Variants in EMILIN1 observed in about 807,000 individuals in gnomAD.
EMILIN1 encodes the protein elastin microfibril interfacer 1.
EMILIN1 carries 49 observed loss-of-function variants against 82.4 expected under a neutral mutation model. That is an observed-to-expected ratio of 0.59 (90% CI 0.47 to 0.75). The LOEUF is 0.75. Among genes scored for constraint, EMILIN1 ranks in the 30% least tolerant of loss-of-function variants. EMILIN1 has a pLI of 0.00. For synonymous variants in EMILIN1, 604 were observed against 602.2 expected, an observed-to-expected ratio of 1.00 and a Z score of -0.04; for missense variants, 1,313 against 1,366.4, an observed-to-expected ratio of 0.96 and a Z score of 0.62.
In EMILIN1 at chr2:27,082,762, C is replaced by G; in HGVS notation, c.1191C>G (p.Pro397=). 3 of 1,540,146 alleles carry G rather than the reference C, an allele frequency of 1.9e-6. No homozygotes were observed. The highest frequency in any genetic ancestry group is 2.6e-6 in the Non-Finnish European group (3 of 1,149,276). The part of the protein sequence containing the change: ...LGGAAGQGGH[P]PGYTSLASRL... The stretch of plus-strand genomic sequence containing the variant: ...GAGCCGCGGGGCAGGGAGGCCACCC[C>G]CCAGGCTACACCAGCTTGGCCTCCC... The change falls in exon 4 of 8, where the codon CCC becomes CCG. Residue 397 remains proline, a synonymous_variant. Transcript: ENST00000380320.
intron 6 of EMILIN1, 65 bp downstream of exon 6, chr2:27,085,073 G>A (rs1261903750): frequency 5.0e-6 from 8 of 1,612,738 alleles, no homozygotes; most frequent in Non-Finnish European, 6.8e-6. Context: ...GAGGTCCTCG[G>A]GCAGCCCTGG....
At position 27,083,644 on chromosome 2, in the gene EMILIN1, G is replaced by C; in HGVS notation, c.2073G>C (p.Arg691Ser). The C allele has an allele frequency of 6.2e-7, 1 of 1,612,546 alleles. No homozygotes were observed. The highest frequency in any genetic ancestry group is 8.5e-7 in the Non-Finnish European group (1 of 1,178,740). ...ACCGTATCATTTCTGAGATTAACAG[G>C]CTGCAGCAGGAGGCCACAGAGCATG... The part of the protein sequence containing the change: ...TKDRIISEIN[R>S]LQQEATEHAT... Residue 691 changes from arginine (R) to serine (S), a missense_variant, in exon 4 of 8, where the codon AGG becomes AGC. Physicochemically the swap from Arg to Ser is moderately radical, Grantham distance 110. Coordinates refer to ENST00000380320, the MANE Select transcript of EMILIN1 (RefSeq NM_007046.4).
chr2:27,082,219 G>C lies in EMILIN1; in HGVS notation c.648G>C (p.Thr216=). The C allele has an allele frequency of 6.2e-7, 1 of 1,613,564 alleles. No homozygotes were observed. The highest frequency in any genetic ancestry group is 8.5e-7 in the Non-Finnish European group (1 of 1,180,000). ...LAEDVQRAVE[T]AFNGRQQPAD... is the part of the protein sequence containing the mutation. The stretch of plus-strand genomic sequence containing the variant: ...AGGATGTGCAGAGGGCTGTGGAGAC[G>C]GCCTTCAACGGGAGGCAGCAGCCAG... Residue 216 remains threonine (T), a synonymous_variant, in exon 4 of 8, where the codon ACG becomes ACC. Transcript: ENST00000380320.
intron 3 of EMILIN1, among the ~76,000 whole-genome samples, chr2:27,081,470 C>T (rs889433248): frequency 2.6e-5 from 4 of 152,152 alleles, no homozygotes; most frequent in South Asian, 2.1e-4. Context: ...TGCTGTTTCC[C>T]TGCCCCGAGA....
intron 1 of EMILIN1, among the ~76,000 whole-genome samples, chr2:27,079,812 C>T (rs531391382): frequency 1.3e-5 from 2 of 152,322 alleles, no homozygotes; most frequent in Admixed American, 6.5e-5. Flanking sequence ...GCTGGCTATG[C>T]GCACACAGCA....
chr2:27,082,531 G>A lies in EMILIN1; in HGVS notation c.960G>A (p.Arg320=), dbSNP rs1413628529. ...DGFRRQQQED[R]ERLRAMEKLL... is the part of the protein sequence containing the mutation. ...TCCGCCGGCAGCAGCAGGAGGACAG[G>A]GAGCGGCTGCGAGCGATGGAGAAGC... Residue 320 remains arginine (R), a synonymous_variant, in exon 4 of 8, where the codon AGG becomes AGA. Transcript: ENST00000380320. The A allele has an allele frequency of 4.5e-6, 7 of 1,543,758 alleles. No individual in the cohort carries two copies. The African/African-American group carries it at 6.9e-5, about 15-fold the overall frequency.
intron 3 of EMILIN1, 101 bp downstream of exon 3, chr2:27,081,053 T>G (rs1258771470): frequency 2.3e-6 from 2 of 881,546 alleles, no homozygotes; most frequent in Non-Finnish European, 3.5e-6. Context: ...CCGTGCTCTA[T>G]GCCAGAGAGA....
rs184465098 is a variant in EMILIN1, at chr2:27,081,745, G to A, written c.512-338G>A. Reference sequence around the variant, plus strand: ...CAGGTGGAAAGGACATGGACCTGGGGGCTGGATAGATGGTCTGGGTTTGAA... The same window carrying A: ...CAGGTGGAAAGGACATGGACCTGGGAGCTGGATAGATGGTCTGGGTTTGAA... On this transcript the variant is annotated intron_variant, in intron 3 of 7. Coordinates refer to ENST00000380320, the MANE Select transcript of EMILIN1 (RefSeq NM_007046.4). Among the ~76,000 whole-genome samples the A allele has an allele frequency of 1.5e-3, 235 of 152,302 alleles. 1 individual carries two copies. Among genetic ancestry groups the A allele is most frequent in the African/African-American group, 5.5e-3 (227 of 41,564 alleles).
intron 3 of EMILIN1, among the ~76,000 whole-genome samples, chr2:27,081,396 G>A (rs1296719516): frequency 3.3e-5 from 5 of 152,088 alleles, no homozygotes; most frequent in Admixed American, 2.0e-4. Context: ...TCTGGAGACC[G>A]CAGGTCCCAG....
Position 27,083,155 on chromosome 2 carries a change from G to GCAGGC in EMILIN1, c.1587_1591dup (p.Thr531ArgfsTer32). 2 of 1,601,546 alleles carry GCAGGC rather than the reference G, an allele frequency of 1.2e-6. No individual in the cohort carries two copies. Among genetic ancestry groups the GCAGGC allele is most frequent in the Non-Finnish European group, 1.7e-6 (2 of 1,172,988 alleles). ...CGGTGGAAGCAGCGGGGGAGGCCCG[G>GCAGGC]CAGGCCACGCTGGAGGGATTACAAG... is the stretch of plus-strand genomic sequence containing the variant. On this transcript the variant is annotated frameshift_variant, in exon 4 of 8. Transcript: ENST00000380320. LOFTEE classifies it high-confidence loss of function.
At chr2:27,081,270 G>A (rs192161901) in intron 3 of EMILIN1, among the ~76,000 whole-genome samples, 1 of 152,294 alleles carries the variant, frequency 6.6e-6, no homozygotes, top group East Asian at 1.9e-4. Context: ...CCTTCAAACA[G>A]CTGCAGGAGA....
rs376755900 is a variant in EMILIN1, at chr2:27,082,876, G to C, written c.1305G>C (p.Leu435=). 1.3e-6 allele frequency: 2 copies of C among 1,592,722 alleles called. No homozygotes were observed. Among genetic ancestry groups the C allele is most frequent in the East Asian group, 4.5e-5 (2 of 44,568 alleles). Residue 435 remains leucine (L), a synonymous_variant, in exon 4 of 8, where the codon CTG becomes CTC. Coordinates refer to ENST00000380320, the MANE Select transcript of EMILIN1 (RefSeq NM_007046.4). ...EESWPGAPGG[L]SHWLPAARGR... ...GCTGGCCTGGGGCTCCTGGGGGGCT[G>C]AGCCACTGGCTGCCTGCTGCCCGGG...
At position 27,080,973 on chromosome 2, in the gene EMILIN1, G is replaced by A. The variant is rs372336090; in HGVS notation, c.511+21G>A. 1.1e-4 allele frequency: 175 copies of A among 1,522,382 alleles called. 1 individual carries two copies. Among genetic ancestry groups the A allele is most frequent in the South Asian group, 7.1e-4 (59 of 82,916 alleles). 94.3% of individuals were successfully genotyped at this position (1,522,382 alleles called of 1,614,324 possible). A position where few individuals can be genotyped will look rare whatever the true frequency, so the allele number is the denominator to read the frequency against. Reference sequence around the variant, plus strand: ...AGAAGGTGAGTGTGGGAGCTGCTGCGAGGGTGGCAAGTTCCAAATGGTGAT... The same window carrying A: ...AGAAGGTGAGTGTGGGAGCTGCTGCAAGGGTGGCAAGTTCCAAATGGTGAT... On this transcript the variant is annotated intron_variant, in intron 3 of 7. Transcript: ENST00000380320.
intron 5 of EMILIN1, 122 bp from the exon 6 acceptor site, chr2:27,084,869 C>T: frequency 1.1e-6 from 1 of 932,918 alleles, no homozygotes; most frequent in Non-Finnish European, 1.8e-6. Flanking sequence ...TTCTTGATAC[C>T]CCAATTCCTG....
In EMILIN1 at chr2:27,078,901, C is replaced by A; in HGVS notation, c.-165C>A. 1.9e-6 allele frequency: 1 copy of A among 535,924 alleles called. No homozygotes were observed. Among genetic ancestry groups the A allele is most frequent in the South Asian group, 2.5e-5 (1 of 40,394 alleles). The allele number at this position is 535,924 out of a possible 1,614,324, so 33.2% of individuals were successfully genotyped here. A position where few individuals can be genotyped will look rare whatever the true frequency, so the allele number is the denominator to read the frequency against. Reference sequence around the variant, plus strand: ...AAAGAGGAGGGGAGAGGGGTCAGGCCAGGCAGCCAAGGAGAAGACGTGTGG... The same window carrying A: ...AAAGAGGAGGGGAGAGGGGTCAGGCAAGGCAGCCAAGGAGAAGACGTGTGG... On this transcript the variant is annotated 5_prime_UTR_variant, in exon 1 of 8. Coordinates refer to ENST00000380320, the MANE Select transcript of EMILIN1 (RefSeq NM_007046.4).
Position 27,085,913 on chromosome 2 carries a change from C to T in EMILIN1, c.2949C>T (p.Val983=), listed in dbSNP as rs756107995. The T allele has an allele frequency of 6.4e-7, 1 of 1,552,182 alleles. No individual in the cohort carries two copies. Among genetic ancestry groups the T allele is most frequent in the Non-Finnish European group, 8.7e-7 (1 of 1,144,426 alleles). The part of the protein sequence containing the change: ...LILPLQAGDT[V]CVDLVMGQLA... ...TGCCGCTGCAGGCCGGGGACACGGT[C>T]TGCGTCGACCTGGTCATGGGGCAGC... The change falls in exon 8 of 8, where the codon GTC becomes GTT. Residue 983 remains valine, a synonymous_variant. Coordinates refer to ENST00000380320, the MANE Select transcript of EMILIN1 (RefSeq NM_007046.4).
chr2:27,082,012 G>A, intron 3 of EMILIN1, 71 bp from the exon 4 acceptor site: 1 of 1,471,020 alleles, frequency 6.8e-7, no homozygotes, highest in South Asian at 1.4e-5. Context: ...ACCCTTGCTG[G>A]AGCTGGGGTG....
chr2:27,085,528 C>A, intron 7 of EMILIN1, 150 bp from the exon 8 acceptor site: 1 of 886,942 alleles, frequency 1.1e-6, no homozygotes, highest in Non-Finnish European at 1.7e-6. Flanking sequence ...GTTTTAAGTG[C>A]TGGGAATGCA....
Position 27,083,130 on chromosome 2 carries a change from C to T in EMILIN1, c.1559C>T (p.Thr520Met), listed in dbSNP as rs552485083. 3.7e-5 allele frequency: 58 copies of T among 1,585,280 alleles called. No individual in the cohort carries two copies. Among genetic ancestry groups the T allele is most frequent in the African/African-American group, 5.4e-5 (4 of 74,512 alleles). The change falls in exon 4 of 8, where the codon ACG becomes ATG. Residue 520 changes from threonine (T) to methionine (M), a missense_variant. Thr to Met is a moderately conservative substitution (Grantham distance 81, BLOSUM62 -1). Transcript: ENST00000380320. The part of the protein sequence containing the change: ...QLRLVGSGLH[T>M]VEAAGEARQA... ...CGGCTGGTGGGCTCCGGCCTGCACA[C>T]GGTGGAAGCAGCGGGGGAGGCCCGG...
Sources: allele counts gnomAD v4.1 joint callset (sites outside exome capture counted in the v4.1 genomes callset), GRCh38; gene constraint gnomAD v4.1.1; transcripts MANE v1.5; gene names NCBI Gene and HGNC (gene_info 2026-07-23, HGNC 2026-07-21).